Variants in SMOC1 observed in about 807,000 individuals in gnomAD.
SMOC1 encodes the protein SPARC-related modular calcium-binding protein 1.
In SMOC1, 22 loss-of-function variants were observed where a neutral mutation model predicts 56.3. The ratio of observed to expected loss-of-function variants is 0.39; its 90% CI spans 0.28 to 0.56. The LOEUF (loss-of-function observed/expected upper bound fraction) is 0.56, where lower values mean the gene tolerates loss of function less well. Ranked by LOEUF, SMOC1 falls within the 20% of genes least tolerant of loss-of-function variation. The pLI is 0.61. For synonymous variants in SMOC1, 193 were observed against 215.0 expected, an observed-to-expected ratio of 0.90 and a Z score of 0.89; for missense variants, 509 against 565.4, an observed-to-expected ratio of 0.90 and a Z score of 1.01.
Position 70,030,243 on chromosome 14 carries a change from A to G in SMOC1, c.1293A>G (p.Val431=), listed in dbSNP as rs766044797. The change falls in exon 12 of 12, where the codon GTA becomes GTG. Residue 431 remains valine, a splice_region_variant and synonymous_variant. Coordinates refer to ENST00000361956, the MANE Select transcript of SMOC1 (RefSeq NM_001034852.3). ...TTGCATTCTCCTTCCTTCTCTCAGT[A>G]GGACGCCTCGTCTAAGGAGCAGAAA... ...LKGCLGVSKE[V]GRLV 1.9e-6 allele frequency: 3 copies of G among 1,592,740 alleles called. No homozygotes were observed. Among genetic ancestry groups the G allele is most frequent in the African/African-American group, 1.4e-5 (1 of 69,918 alleles).
intron 1 of SMOC1, among the ~76,000 whole-genome samples, chr14:69,916,397 G>A (rs951167551): frequency 6.6e-6 from 1 of 152,232 alleles, no homozygotes; most frequent in African/African-American, 2.4e-5. Flanking sequence ...TCTCTTTTCA[G>A]CCTTTGGGCT....
chr14:69,903,822 T>C (rs1310395774), intron 1 of SMOC1, among the ~76,000 whole-genome samples: 1 of 151,678 alleles, frequency 6.6e-6, no homozygotes, highest in Non-Finnish European at 1.5e-5. Flanking sequence ...CACTTGTTTA[T>C]CTGCTTACCT....
At chr14:69,970,509 T>C (rs2139487784) in intron 3 of SMOC1, among the ~76,000 whole-genome samples, 1 of 152,346 alleles carries the variant, frequency 6.6e-6, no homozygotes, top group Non-Finnish European at 1.5e-5. Context: ...TAACTTCTGC[T>C]CTCTGTACCT....
intron 5 of SMOC1, among the ~76,000 whole-genome samples, chr14:69,984,309 T>C (rs575082033): frequency 1.1e-4 from 16 of 152,304 alleles, no homozygotes; most frequent in Non-Finnish European, 1.9e-4. Flanking sequence ...AAATGTAAAA[T>C]GTGAAGCTAT....
At chr14:69,980,598 C>T (rs1323672430) in intron 5 of SMOC1, among the ~76,000 whole-genome samples, 3 of 152,250 alleles carry the variant, frequency 2.0e-5, no homozygotes, top group Non-Finnish European at 4.4e-5. Context: ...GGACAGGGTG[C>T]GAGAGGGCAT....
At chr14:69,921,228 C>T (rs1162115853) in intron 1 of SMOC1, among the ~76,000 whole-genome samples, 8 of 152,196 alleles carry the variant, frequency 5.3e-5, no homozygotes, top group African/African-American at 7.2e-5. Context: ...CCCCCAGCGC[C>T]GCAGACTTCT....
intron 9 of SMOC1, among the ~76,000 whole-genome samples, chr14:70,012,380 C>T (rs1457975532): frequency 1.3e-5 from 2 of 152,180 alleles, no homozygotes; most frequent in Non-Finnish European, 2.9e-5. Flanking sequence ...ATCTAGTGGT[C>T]AAAGTTGACA....
chr14:69,912,202 T>A (rs1884571966), intron 1 of SMOC1, among the ~76,000 whole-genome samples: 1 of 152,214 alleles, frequency 6.6e-6, no homozygotes, highest in African/African-American at 2.4e-5. Context: ...TTGAATTGTA[T>A]TTTTGACTGC....
chr14:69,909,478 C>T (rs1285939014), intron 1 of SMOC1, among the ~76,000 whole-genome samples: 1 of 152,156 alleles, frequency 6.6e-6, no homozygotes, highest in Admixed American at 6.5e-5. Flanking sequence ...GAAGTTCCCA[C>T]TGCAGTGTCT....
intron 1 of SMOC1, among the ~76,000 whole-genome samples, chr14:69,904,962 A>G (rs1884366831): frequency 6.6e-6 from 1 of 152,180 alleles, no homozygotes; most frequent in South Asian, 2.1e-4. Context: ...TCTTAACACT[A>G]GACAGAATCA....
intron 5 of SMOC1, among the ~76,000 whole-genome samples, chr14:69,982,477 C>T (rs1466714082): frequency 3.9e-5 from 6 of 152,182 alleles, no homozygotes; most frequent in Non-Finnish European, 7.3e-5. Flanking sequence ...ATGGATGGAG[C>T]AGCTCTGAGG....
At chr14:70,010,714 C>T (rs1360837335) in intron 7 of SMOC1, 40 bp from the exon 8 acceptor site, 27 of 1,606,904 alleles carry the variant, frequency 1.7e-5, no homozygotes, top group Non-Finnish European at 2.3e-5. Flanking sequence ...TGTTAAATCA[C>T]AGGAGTGATA....
At chr14:69,999,734 C>G (rs1015270377) in intron 7 of SMOC1, among the ~76,000 whole-genome samples, 1 of 152,158 alleles carries the variant, frequency 6.6e-6, no homozygotes, top group Non-Finnish European at 1.5e-5. Flanking sequence ...TAAAATTTCC[C>G]TTTGCGGAGA....
chr14:70,010,000 A>T (rs1405065131), intron 7 of SMOC1, among the ~76,000 whole-genome samples: 3 of 152,220 alleles, frequency 2.0e-5, no homozygotes, highest in African/African-American at 7.2e-5. Flanking sequence ...GCCATGCTGG[A>T]CACAGGGCAC....
chr14:69,946,177 G>C (rs2139426040), intron 1 of SMOC1, among the ~76,000 whole-genome samples: 1 of 152,292 alleles, frequency 6.6e-6, no homozygotes, highest in South Asian at 2.1e-4. Context: ...TACTATGCTG[G>C]AGACTGAAGG....
intron 11 of SMOC1, 45 bp downstream of exon 11, chr14:70,023,492 C>G (rs771075720): frequency 6.2e-7 from 1 of 1,613,402 alleles, no homozygotes; most frequent in Non-Finnish European, 8.5e-7. Context: ...TACTTGCCCC[C>G]ACCCAGGCAT....
chr14:69,986,634 A>G (rs1239666514), intron 5 of SMOC1, among the ~76,000 whole-genome samples: 1 of 152,180 alleles, frequency 6.6e-6, no homozygotes, highest in Non-Finnish European at 1.5e-5. Context: ...AAGTTAAAAA[A>G]ACATTAGCCG....
intron 8 of SMOC1, 70 bp from the exon 9 acceptor site, chr14:70,011,415 G>T: frequency 7.2e-7 from 1 of 1,396,356 alleles, no homozygotes; most frequent in South Asian, 1.2e-5. Context: ...GATCATTGCT[G>T]GGCAGTAGTG....
chr14:70,030,163 A>G (rs187348042), intron 11 of SMOC1, 79 bp from the exon 12 acceptor site: 18 of 1,601,582 alleles, frequency 1.1e-5, no homozygotes, highest in Non-Finnish European at 1.4e-5. Context: ...GATTTCTCAC[A>G]AGCCCAACTC....
Sources: gnomAD v4.1 joint callset for allele counts (sites outside exome capture counted in the v4.1 genomes callset) on GRCh38, gnomAD v4.1.1 for gene constraint, MANE v1.5 for transcripts, NCBI Gene and HGNC (gene_info 2026-07-23, HGNC 2026-07-21) for gene names.